Variants in RAVER2 observed in about 807,000 individuals in gnomAD.
The protein encoded by RAVER2 is ribonucleoprotein PTB-binding 2.
In RAVER2, 46 loss-of-function variants were observed where a neutral mutation model predicts 78.1. That is an observed-to-expected ratio of 0.59 (90% confidence interval 0.46 to 0.75). The LOEUF is 0.75. RAVER2 is among the 30% of genes least tolerant of loss of function. RAVER2 has a pLI of 0.00. For missense variants in RAVER2, 793 were observed against 837.5 expected (o/e 0.95, Z 0.66); for synonymous variants, 311 against 313.3 (o/e 0.99, Z 0.08).
chr1:64,802,553 C>G lies in RAVER2; in HGVS notation c.1106-423C>G, dbSNP rs572250921. The stretch of plus-strand genomic sequence containing the variant: ...TATTTTTGTGTACATATATTGTCTT[C>G]TCAATTGGATTTTATGTAAGCTTTT... On this transcript the variant is annotated intron_variant, in intron 5 of 11. Transcript: ENST00000294428. Among the ~76,000 whole-genome samples the G allele has an allele frequency of 2.6e-5, 4 of 152,172 alleles. No homozygotes were observed. In the East Asian group the frequency reaches 5.8e-4, roughly 22 times the overall value.
At chr1:64,764,841 G>C (rs1652128665) in intron 1 of RAVER2, among the ~76,000 whole-genome samples, 1 of 152,146 alleles carries the variant, frequency 6.6e-6, no homozygotes, top group South Asian at 2.1e-4. Flanking sequence ...CAACTGATTG[G>C]ATGAAGTCCT....
In RAVER2 at chr1:64,777,945, CTT is replaced by C. The variant is rs771607765; in HGVS notation, c.641_642del (p.Phe214CysfsTer7). 4 of 1,614,078 alleles carry C rather than the reference CTT, an allele frequency of 2.5e-6. No individual in the cohort carries two copies. The highest frequency in any genetic ancestry group is 3.4e-6 in the Non-Finnish European group (4 of 1,179,996). ...GTAGACAGTTGGGAGCATCAGCACT[CTT>C]TGCACAATGGATGGATGTTAATCTA... On this transcript the variant is annotated frameshift_variant, in exon 3 of 12. Coordinates refer to ENST00000294428, the Ensembl canonical transcript of RAVER2. LOFTEE classifies it high-confidence loss of function.
chr1:64,829,088 G>A (rs1464404044), intron 11 of RAVER2, among the ~76,000 whole-genome samples: 1 of 145,088 alleles, frequency 6.9e-6, no homozygotes, highest in Admixed American at 7.1e-5. Context: ...TTCTCACTGT[G>A]AATGGTGTTA....
At position 64,768,640 on chromosome 1, in the gene RAVER2, T is replaced by G; in HGVS notation, c.250-16T>G. On this transcript the variant is annotated splice_polypyrimidine_tract_variant and intron_variant, in intron 1 of 11. Coordinates refer to ENST00000294428, the Ensembl canonical transcript of RAVER2. ...CATTTGTATGTTTACTGAATTCGTG[T>G]TTTTTTCTCTTTCAGGAAGTTCATG... 2.0e-6 allele frequency: 3 copies of G among 1,502,020 alleles called. No individual in the cohort carries two copies. Among genetic ancestry groups the G allele is most frequent in the Non-Finnish European group, 2.8e-6 (3 of 1,082,052 alleles). 93.0% of individuals were successfully genotyped at this position (1,502,020 alleles called of 1,614,324 possible). A position where few individuals can be genotyped will look rare whatever the true frequency, so the allele number is the denominator to read the frequency against.
intron 11 of RAVER2, among the ~76,000 whole-genome samples, chr1:64,821,178 A>T (rs185082235): frequency 6.6e-6 from 1 of 152,212 alleles, no homozygotes; most frequent in East Asian, 1.9e-4. Context: ...GCTTTTTTTC[A>T]TATACTTGTT....
chr1:64,764,810 A>G (rs1652128055), intron 1 of RAVER2, among the ~76,000 whole-genome samples: 1 of 152,184 alleles, frequency 6.6e-6, no homozygotes, highest in South Asian at 2.1e-4. Flanking sequence ...AGGAAACTTC[A>G]CTTCTTGCTC....
chr1:64,829,144 T>C (rs1003809166), intron 11 of RAVER2, among the ~76,000 whole-genome samples: 1 of 152,224 alleles, frequency 6.6e-6, no homozygotes, highest in Non-Finnish European at 1.5e-5. Flanking sequence ...ATAAATTTCC[T>C]ATCTGGCTTC....
At chr1:64,831,157 A>G (rs1320826162) in exon 12 of RAVER2, 3 of 563,436 alleles carry the variant, frequency 5.3e-6, no homozygotes, top group Non-Finnish European at 8.6e-6. Flanking sequence ...AGCAATAAGA[A>G]GAGACATCAA....
chr1:64,777,748 A>G, exon 3 of RAVER2: 1 of 1,614,056 alleles, frequency 6.2e-7, no homozygotes, highest in South Asian at 1.1e-5. Flanking sequence ...GTGTATTACC[A>G]ACGTGCCCAT....
intron 9 of RAVER2, among the ~76,000 whole-genome samples, chr1:64,808,019 TTAAA>T (rs1653492678): frequency 6.6e-6 from 1 of 152,174 alleles, no homozygotes; most frequent in African/African-American, 2.4e-5. Context: ...TTTTTCTATC[TTAAA>T]TATATATTTG....
chr1:64,782,063 C>T (rs1346447256), intron 4 of RAVER2, among the ~76,000 whole-genome samples: 1 of 152,146 alleles, frequency 6.6e-6, no homozygotes, highest in East Asian at 1.9e-4. Flanking sequence ...GCCACCATGC[C>T]TGGCTAATTG....
intron 1 of RAVER2, among the ~76,000 whole-genome samples, chr1:64,767,214 CTTAT>C (rs1325971774): frequency 6.6e-6 from 1 of 151,962 alleles, no homozygotes; most frequent in Non-Finnish European, 1.5e-5. Flanking sequence ...CTTCTGTCTT[CTTAT>C]TTATTATCCA....
chr1:64,792,843 T>C (rs1652981738), intron 5 of RAVER2, among the ~76,000 whole-genome samples: 1 of 152,232 alleles, frequency 6.6e-6, no homozygotes, highest in Non-Finnish European at 1.5e-5. Flanking sequence ...ATCATAACTG[T>C]AGCCTTGCTA....
chr1:64,810,507 C>T (rs1653574619), intron 9 of RAVER2, among the ~76,000 whole-genome samples: 1 of 152,160 alleles, frequency 6.6e-6, no homozygotes, highest in Non-Finnish European at 1.5e-5. Context: ...ACTTTAATGA[C>T]CTCATTACCT....
chr1:64,831,878 A>G (rs907297775), exon 12 of RAVER2: 1 of 152,124 alleles, frequency 6.6e-6, no homozygotes, highest in African/African-American at 2.4e-5. Context: ...TGTCTGTGGC[A>G]CTCTTACGCT....
At chr1:64,772,124 G>C (rs945726039) in intron 2 of RAVER2, among the ~76,000 whole-genome samples, 8 of 152,032 alleles carry the variant, frequency 5.3e-5, no homozygotes, top group African/African-American at 1.9e-4. Flanking sequence ...TTCCCTTACA[G>C]CCTTTTCTCT....
exon 6 of RAVER2, chr1:64,803,014 A>C: frequency 1.2e-6 from 2 of 1,610,420 alleles, no homozygotes; most frequent in Non-Finnish European, 1.7e-6. Context: ...ACATCTGATG[A>C]ATCCATCCAT....
At chr1:64,812,362 CAAA>C (rs61411897) in intron 9 of RAVER2, among the ~76,000 whole-genome samples, 2 of 70,052 alleles carry the variant, frequency 2.9e-5, no homozygotes, top group African/African-American at 5.6e-5. Flanking sequence ...ATTCCATCTC[CAAA>C]AAAAAAAAAA....
chr1:64,786,302 C>T (rs994320926), intron 4 of RAVER2, among the ~76,000 whole-genome samples: 72 of 152,024 alleles, frequency 4.7e-4, no homozygotes, highest in African/African-American at 1.7e-3. Flanking sequence ...GACTGTGAAC[C>T]CTTTCATTCT....
Sources: allele counts gnomAD v4.1 joint callset (sites outside exome capture counted in the v4.1 genomes callset), GRCh38; gene constraint gnomAD v4.1.1; transcripts MANE v1.5; gene names NCBI Gene and HGNC (gene_info 2026-07-23, HGNC 2026-07-21).